Variants in WDR27 observed in about 807,000 individuals in gnomAD.
The protein encoded by WDR27 is WD repeat-containing protein 27.
WDR27 carries 100 observed loss-of-function variants against 114.4 expected under a neutral mutation model. The observed-to-expected ratio is 0.87, with a 90% CI of 0.74 to 1.03. The LOEUF is 1.03. Among genes scored for constraint, WDR27 ranks in the 50% least tolerant of loss-of-function variants. WDR27 has a pLI of 0.00. For missense variants in WDR27, 1,129 were observed against 1,092.9 expected (o/e 1.03, Z -0.47); for synonymous variants, 449 against 423.1 (o/e 1.06, Z -0.75).
intron 25 of WDR27, among the ~76,000 whole-genome samples, chr6:169,477,051 A>C (rs965804357): frequency 6.6e-6 from 1 of 152,234 alleles, no homozygotes; most frequent in Non-Finnish European, 1.5e-5. Context: ...TTCATTTTAA[A>C]TCCTAAATAG....
intron 25 of WDR27, among the ~76,000 whole-genome samples, chr6:169,481,745 C>A (rs756723370): frequency 2.6e-5 from 4 of 151,974 alleles, no homozygotes; most frequent in Non-Finnish European, 5.9e-5. Context: ...GAGGAATGAA[C>A]AACTCCAGAC....
intron 25 of WDR27, among the ~76,000 whole-genome samples, chr6:169,502,613 G>A (rs1237250498): frequency 6.6e-6 from 1 of 152,162 alleles, no homozygotes; most frequent in Admixed American, 6.5e-5. Flanking sequence ...ATCCGGGGCT[G>A]TGGCCCCTTC....
At chr6:169,500,431 C>T (rs1292394946) in intron 25 of WDR27, among the ~76,000 whole-genome samples, 2 of 152,106 alleles carry the variant, frequency 1.3e-5, no homozygotes, top group Non-Finnish European at 2.9e-5. Flanking sequence ...AATCCAGGAG[C>T]TATCTGTTTT....
intron 13 of WDR27, among the ~76,000 whole-genome samples, chr6:169,653,863 T>C (rs1823272494): frequency 6.6e-6 from 1 of 152,228 alleles, no homozygotes. Flanking sequence ...CTATGCGAGC[T>C]TCACCTTCTC....
At chr6:169,550,781 T>C (rs1797990204) in intron 25 of WDR27, among the ~76,000 whole-genome samples, 1 of 152,116 alleles carries the variant, frequency 6.6e-6, no homozygotes, top group African/African-American at 2.4e-5. Context: ...AGTGACTCAA[T>C]CACAGCTCAC....
intron 1 of WDR27, among the ~76,000 whole-genome samples, chr6:169,698,599 T>G (rs1034699057): frequency 6.6e-6 from 1 of 152,198 alleles, no homozygotes; most frequent in African/African-American, 2.4e-5. Context: ...TTCCCCAAGC[T>G]CTTTCTGCTT....
chr6:169,586,114 T>C (rs1804507164), intron 23 of WDR27, among the ~76,000 whole-genome samples: 1 of 152,230 alleles, frequency 6.6e-6, no homozygotes, highest in South Asian at 2.1e-4. Context: ...CCTCACTGTC[T>C]GGCATTGGTT....
the WDR27 span, among the ~76,000 whole-genome samples, chr6:169,444,204 G>A: frequency 6.6e-5 from 10 of 152,056 alleles, no homozygotes; most frequent in Admixed American, 2.0e-4. Flanking sequence ...AAAAACTTAC[G>A]CGCTCCTGGC....
At position 169,476,672 on chromosome 6, in the gene WDR27, AT is replaced by A. The variant is rs199882580; in HGVS notation, c.2646-19039del. On this transcript the variant is annotated intron_variant, in intron 25 of 25. Coordinates refer to ENST00000448612, the MANE Select transcript of WDR27 (RefSeq NM_182552.5). Reference sequence around the variant, plus strand: ...GAGATTTAAAATTTTCCCCATGGCTATTTTTTTTTAGTTAAGTTCCTAGACA... The same window carrying A: ...GAGATTTAAAATTTTCCCCATGGCTATTTTTTTTAGTTAAGTTCCTAGACA... Among the ~76,000 whole-genome samples the A allele has an allele frequency of 1.2e-3, 178 of 150,834 alleles. 1 individual carries two copies. The East Asian group carries it at 0.023, about 20-fold the overall frequency.
At chr6:169,584,491 T>C (rs1173572584) in intron 23 of WDR27, among the ~76,000 whole-genome samples, 2 of 152,178 alleles carry the variant, frequency 1.3e-5, no homozygotes, top group Non-Finnish European at 1.5e-5. Context: ...TCTATACTGT[T>C]TTCCAGATGG....
chr6:169,516,619 C>G (rs1237868722), intron 25 of WDR27, among the ~76,000 whole-genome samples: 1 of 152,010 alleles, frequency 6.6e-6, no homozygotes. Context: ...CGGGAGATGT[C>G]CATAGGGCTT....
chr6:169,470,787 A>G (rs1786267516), intron 25 of WDR27, among the ~76,000 whole-genome samples: 1 of 152,164 alleles, frequency 6.6e-6, no homozygotes, highest in Non-Finnish European at 1.5e-5. Context: ...AGGGGCTAGA[A>G]CTTCAACATA....
At chr6:169,649,350 G>C in intron 14 of WDR27, 75 bp from the exon 15 acceptor site, 3 of 1,317,454 alleles carry the variant, frequency 2.3e-6, no homozygotes, top group Middle Eastern at 1.8e-4. Flanking sequence ...ATATTTTACA[G>C]TGAAAAAAAT....
chr6:169,578,160 T>C (rs1230538018), intron 24 of WDR27, among the ~76,000 whole-genome samples: 3 of 152,180 alleles, frequency 2.0e-5, no homozygotes, highest in Non-Finnish European at 4.4e-5. Context: ...CCTTCTGAGA[T>C]TTCAAGCTGT....
the WDR27 span, among the ~76,000 whole-genome samples, chr6:169,434,914 C>T: frequency 2.0e-5 from 3 of 152,222 alleles, no homozygotes; most frequent in African/African-American, 7.2e-5. Context: ...GTCTCCAGGA[C>T]ATGTCAGAGG....
chr6:169,587,214 C>CTTTTTT (rs770797963), intron 23 of WDR27, among the ~76,000 whole-genome samples: 1 of 115,696 alleles, frequency 8.6e-6, no homozygotes, highest in South Asian at 2.9e-4. Context: ...CAAGGATTTT[C>CTTTTTT]TTTTTTTTTT....
At chr6:169,687,943 C>T (rs1308686977) in intron 2 of WDR27, among the ~76,000 whole-genome samples, 2 of 152,024 alleles carry the variant, frequency 1.3e-5, no homozygotes, top group East Asian at 3.9e-4. Flanking sequence ...TGTGTGTGTG[C>T]ACCAAAAGAC....
intron 25 of WDR27, among the ~76,000 whole-genome samples, chr6:169,462,479 G>GAGAGAGAGAGA (rs1554263553): frequency 1.3e-5 from 2 of 150,338 alleles, no homozygotes; most frequent in African/African-American, 5.0e-5. Flanking sequence ...AGGAGAGGGG[G>GAGAGAGAGAGA]GAGAGAGAGA....
chr6:169,648,026 CTT>C (rs1452837373), intron 15 of WDR27, among the ~76,000 whole-genome samples, 156 bp from the exon 16 acceptor site: 2 of 152,170 alleles, frequency 1.3e-5, no homozygotes, highest in East Asian at 1.9e-4. Context: ...TATTTAGACT[CTT>C]ATATTCAAAA....
Sources: gnomAD v4.1 joint callset for allele counts (sites outside exome capture counted in the v4.1 genomes callset) on GRCh38, gnomAD v4.1.1 for gene constraint, MANE v1.5 for transcripts, NCBI Gene and HGNC (gene_info 2026-07-23, HGNC 2026-07-21) for gene names.